Variants in BORCS8 observed in about 807,000 individuals in gnomAD.
BORCS8 encodes the protein BLOC-1 related complex subunit 8.
Under a neutral mutation model 18.7 loss-of-function variants are expected in BORCS8, and 13 were observed. The observed-to-expected ratio is 0.70, with a 90% CI of 0.45 to 1.11. The LOEUF (loss-of-function observed/expected upper bound fraction) is 1.11. BORCS8 is among the 50% of genes least tolerant of loss of function. The probability of loss-of-function intolerance (pLI) is 0.00; values close to 1 mark genes in which losing one functional copy is unlikely to be tolerated. For missense variants in BORCS8, 165 were observed against 165.7 expected (o/e 1.00, Z 0.02); for synonymous variants, 68 against 64.8 (o/e 1.05, Z -0.24).
At position 19,183,650 on chromosome 19, in the gene BORCS8, T is replaced by C. The variant is rs1306059316; in HGVS notation, c.216-967A>G. Among the ~76,000 whole-genome samples the C allele has an allele frequency of 2.6e-5, 4 of 151,096 alleles. No homozygotes were observed. The East Asian group carries it at 7.9e-4, about 30-fold the overall frequency. On this transcript the variant is annotated intron_variant, in intron 3 of 5. Transcript: ENST00000462790. Reference sequence around the variant, plus strand: ...CCCAGGCTGGAGTGCAATGGTGTGATCTCGGCTCACTGCAACCTCCGCCTC... The same window carrying C: ...CCCAGGCTGGAGTGCAATGGTGTGACCTCGGCTCACTGCAACCTCCGCCTC...
At chr19:19,185,633 C>T (rs1390615446) in intron 3 of BORCS8, among the ~76,000 whole-genome samples, 2 of 152,220 alleles carry the variant, frequency 1.3e-5, no homozygotes, top group South Asian at 4.1e-4. Flanking sequence ...TTGCAGTGAA[C>T]TGAGATCATG....
intron 3 of BORCS8, 65 bp downstream of exon 3, chr19:19,185,969 C>A: frequency 3.3e-6 from 5 of 1,497,686 alleles, no homozygotes; most frequent in Non-Finnish European, 4.5e-6. Context: ...CTGGGATGCC[C>A]CTGAATGCCC....
At chr19:19,186,515 A>T (rs2060410689) in intron 2 of BORCS8, among the ~76,000 whole-genome samples, 1 of 152,130 alleles carries the variant, frequency 6.6e-6, no homozygotes, top group African/African-American at 2.4e-5. Context: ...CTGATAAGTG[A>T]GTTCTCACGA....
chr19:19,185,914 C>T, intron 3 of BORCS8, 120 bp downstream of exon 3: 1 of 1,008,202 alleles, frequency 9.9e-7, no homozygotes. Context: ...ACCCCATACA[C>T]CCACTCGGGT....
chr19:19,189,299 A>C (rs539793904), intron 1 of BORCS8, among the ~76,000 whole-genome samples: 2 of 152,192 alleles, frequency 1.3e-5, no homozygotes, highest in African/African-American at 4.8e-5. Context: ...GTCCAGGCAC[A>C]GCGAGGCACG....
At chr19:19,184,796 C>T (rs1254564223) in intron 3 of BORCS8, among the ~76,000 whole-genome samples, 1 of 151,920 alleles carries the variant, frequency 6.6e-6, no homozygotes, top group East Asian at 1.9e-4. Context: ...AATAGGGTTT[C>T]ACCAGGTTGC....
At chr19:19,179,599 A>T (rs1420136907) in intron 5 of BORCS8, 1 of 152,624 alleles carries the variant, frequency 6.6e-6, no homozygotes, top group Non-Finnish European at 1.5e-5. Context: ...GGCACCGAGG[A>T]CAATCACAGT....
In BORCS8 at chr19:19,180,523, T is replaced by C. The variant is rs2060337682; in HGVS notation, c.*42+163A>G. The C allele has an allele frequency of 6.3e-6, 4 of 638,826 alleles. No individual in the cohort carries two copies. The Admixed American group carries it at 9.4e-5, about 15-fold the overall frequency. The allele number at this position is 638,826 out of a possible 1,614,324, so 39.6% of individuals were successfully genotyped here. A position where few individuals can be genotyped will look rare whatever the true frequency, so the allele number is the denominator to read the frequency against. ...CCCTGAGCAGCAGGGTGGAACATTC[T>C]GGACCTGCAGACACCCCTCCACCTG... is the stretch of plus-strand genomic sequence containing the variant. On this transcript the variant is annotated intron_variant, in intron 5 of 5. Coordinates refer to ENST00000462790, the MANE Select transcript of BORCS8 (RefSeq NM_001145784.2).
Position 19,192,122 on chromosome 19 carries a change from A to C in BORCS8, c.-5T>G, listed in dbSNP as rs766048817. 2.6e-5 allele frequency: 41 copies of C among 1,550,988 alleles called. No individual in the cohort carries two copies. The highest frequency in any genetic ancestry group is 7.0e-6 in the Non-Finnish European group (8 of 1,146,826). ...CTGCATCTCCGGCTCCTCCATAGCG[A>C]CCGCGGCCGAGCGAACCGGGAAACG... is the stretch of plus-strand genomic sequence containing the variant. On this transcript the variant is annotated 5_prime_UTR_variant, in exon 1 of 6. Transcript: ENST00000462790.
intron 1 of BORCS8, among the ~76,000 whole-genome samples, chr19:19,189,266 A>G (rs2060442667): frequency 6.6e-6 from 1 of 151,936 alleles, no homozygotes; most frequent in Non-Finnish European, 1.5e-5. Flanking sequence ...CACCTGTTCT[A>G]TTATACCACA....
chr19:19,186,078 C>A lies in BORCS8; in HGVS notation c.171G>T (p.Glu57Asp). Residue 57 changes from glutamate (E) to aspartate (D), a missense_variant, in exon 3 of 6, where the codon GAG (glutamate) becomes GAT (aspartate). Coordinates refer to ENST00000462790, the MANE Select transcript of BORCS8 (RefSeq NM_001145784.2). ...TGTAGATGGCTCCCTGGCTCTGCTC[C>A]TCCCAACGCTGCATGTCTGCCTGTA... ...AQHKADMQRW[E>D]EQSQGAIYTV... 1 of 1,550,524 alleles carries A rather than the reference C, an allele frequency of 6.4e-7. No homozygotes were observed. Among genetic ancestry groups the A allele is most frequent in the Admixed American group, 2.0e-5 (1 of 50,858 alleles).
chr19:19,180,676 C>T lies in BORCS8; in HGVS notation c.*42+10G>A, dbSNP rs1006527192. 2.2e-5 allele frequency: 33 copies of T among 1,527,170 alleles called. No homozygotes were observed. The highest frequency in any genetic ancestry group is 2.8e-5 in the African/African-American group (2 of 72,566). The allele number at this position is 1,527,170 out of a possible 1,614,324, so 94.6% of individuals were successfully genotyped here. ...AGAGAGAGAGGCTCGTGGCTACCCT[C>T]GGCACTGACCTGGGTTGGCGGAGGC... On this transcript the variant is annotated intron_variant, in intron 5 of 5. Transcript: ENST00000462790.
At chr19:19,177,704 A>AAAAGG (rs2060311868) in intron 5 of BORCS8, 1 of 72,378 alleles carries the variant, frequency 1.4e-5, no homozygotes, top group African/African-American at 6.1e-5. Context: ...AAGAGAAAAG[A>AAAAGG]AAAGAAAAGA....
rs537407626 is a variant in BORCS8 at position 19,190,195 on chromosome 19, T to TAG, written c.37+1884_37+1885dup. ...TCTCTTAATACCAATTTCAACTGATTAGGTTACATGTTCACAGGAAAAGTT... is the reference window on the plus strand; with the variant it reads ...TCTCTTAATACCAATTTCAACTGATTAGAGGTTACATGTTCACAGGAAAAGTT... On this transcript the variant is annotated intron_variant, in intron 1 of 5. Transcript: ENST00000462790. Among the ~76,000 whole-genome samples the TAG allele has an allele frequency of 2.1e-4, 32 of 152,260 alleles. 1 individual carries two copies. In the South Asian group the frequency reaches 6.6e-3, roughly 32 times the overall value.
intron 2 of BORCS8, 41 bp downstream of exon 2, chr19:19,186,852 G>A (rs1324449617): frequency 1.4e-6 from 2 of 1,415,758 alleles, no homozygotes; most frequent in Non-Finnish European, 1.9e-6. Flanking sequence ...CTTGACTCCT[G>A]CCCTGACAGC....
chr19:19,185,086 G>A (rs995161779), intron 3 of BORCS8, among the ~76,000 whole-genome samples: 1 of 152,164 alleles, frequency 6.6e-6, no homozygotes, highest in Non-Finnish European at 1.5e-5. Flanking sequence ...CTGTCTGTCT[G>A]GTCAACCCTT....
intron 4 of BORCS8, chr19:19,181,889 G>C: frequency 2.0e-6 from 2 of 985,422 alleles, no homozygotes; most frequent in East Asian, 2.3e-4. Flanking sequence ...GTGTTCATAA[G>C]CGTGTTTATT....
intron 3 of BORCS8, among the ~76,000 whole-genome samples, chr19:19,185,810 G>A (rs1326960032): frequency 6.6e-6 from 1 of 152,254 alleles, no homozygotes; most frequent in Non-Finnish European, 1.5e-5. Context: ...GCATCTTCCA[G>A]AATCCCTATC....
chr19:19,181,270 C>T (rs982491131), intron 4 of BORCS8, among the ~76,000 whole-genome samples: 4 of 149,502 alleles, frequency 2.7e-5, no homozygotes, highest in Admixed American at 6.7e-5. Context: ...GAGGCTGAGG[C>T]GAGAGAATTG....
Sources: gnomAD v4.1 joint callset for allele counts (sites outside exome capture counted in the v4.1 genomes callset) on GRCh38, gnomAD v4.1.1 for gene constraint, MANE v1.5 for transcripts, NCBI Gene and HGNC (gene_info 2026-07-23, HGNC 2026-07-21) for gene names.